UNC13C: variants seen among roughly 807,000 people sequenced by gnomAD.
The protein encoded by UNC13C is unc-13 homolog C, also known as protein unc-13 homolog C.
Under a neutral mutation model 245.4 loss-of-function variants are expected in UNC13C, and 174 were observed. That is an observed-to-expected ratio of 0.71 (90% confidence interval 0.63 to 0.80). UNC13C has a LOEUF of 0.80. Ranked by LOEUF, UNC13C falls within the 30% of genes least tolerant of loss-of-function variation. UNC13C has a pLI of 0.00. For synonymous variants in UNC13C, 992 were observed against 895.1 expected, an observed-to-expected ratio of 1.11 and a Z score of -1.93; for missense variants, 2,829 against 2,602.9, an observed-to-expected ratio of 1.09 and a Z score of -1.89.
Position 54,113,775 on chromosome 15 carries a change from G to A in UNC13C, c.2984-29243G>A, listed in dbSNP as rs564698020. Reference sequence around the variant, plus strand: ...TGGAAGGCAGAGGTTGCAGTGAGCCGAGATCGCACCACTGCACTCCAGCCT... The same window carrying A: ...TGGAAGGCAGAGGTTGCAGTGAGCCAAGATCGCACCACTGCACTCCAGCCT... On this transcript the variant is annotated intron_variant, in intron 2 of 32. Transcript: ENST00000260323. Among the ~76,000 whole-genome samples the A allele has an allele frequency of 1.1e-4, 17 of 152,136 alleles. No individual in the cohort carries two copies. The East Asian group carries it at 1.4e-3, about 12-fold the overall frequency.
intron 17 of UNC13C, among the ~76,000 whole-genome samples, chr15:54,345,124 C>A (rs1404759481): frequency 6.6e-6 from 1 of 152,194 alleles, no homozygotes. Flanking sequence ...CACCATGTGA[C>A]TGGAGAGCCA....
chr15:54,004,172 C>G (rs1267465051), intron 1 of UNC13C, among the ~76,000 whole-genome samples: 1 of 152,148 alleles, frequency 6.6e-6, no homozygotes, highest in Non-Finnish European at 1.5e-5. Flanking sequence ...GTTACCCTTC[C>G]CAGCCTCCAG....
chr15:54,515,615 T>C lies in UNC13C; in HGVS notation c.5457+3785T>C, dbSNP rs562485783. Among the ~76,000 whole-genome samples, 7 of 152,310 alleles carry C rather than the reference T, an allele frequency of 4.6e-5. No homozygotes were observed. The South Asian group carries it at 1.2e-3, about 27-fold the overall frequency. On this transcript the variant is annotated intron_variant, in intron 24 of 32. Transcript: ENST00000260323. The stretch of plus-strand genomic sequence containing the variant: ...AAACTCTAAAGAACTTGTGTTATGA[T>C]CATTGATTTAGAAGGTGCATTAATC...
At chr15:54,253,707 T>C (rs1458420779) in intron 8 of UNC13C, among the ~76,000 whole-genome samples, 1 of 152,200 alleles carries the variant, frequency 6.6e-6, no homozygotes, top group Non-Finnish European at 1.5e-5. Context: ...CTGTAGCACC[T>C]CAGTGGTGGT....
chr15:54,521,429 T>G (rs1895211868), intron 24 of UNC13C, among the ~76,000 whole-genome samples: 1 of 152,304 alleles, frequency 6.6e-6, no homozygotes, highest in South Asian at 2.1e-4. Context: ...CCATGCAAAG[T>G]CTATTTTTCA....
rs577432436 is a variant in UNC13C, at chr15:54,136,090, T to C, written c.2984-6928T>C. Among the ~76,000 whole-genome samples, 16 of 152,320 alleles carry C rather than the reference T, an allele frequency of 1.1e-4. No individual in the cohort carries two copies. The South Asian group carries it at 3.3e-3, about 32-fold the overall frequency. Reference sequence around the variant, plus strand: ...TGTACAGATCTTTCACCTCCTTCGTTAAATTTATATGTAAGTATTTAACAT... The same window carrying C: ...TGTACAGATCTTTCACCTCCTTCGTCAAATTTATATGTAAGTATTTAACAT... On this transcript the variant is annotated intron_variant, in intron 2 of 32. Transcript: ENST00000260323.
In UNC13C at chr15:54,369,191, TC is replaced by T. The variant is rs904399477; in HGVS notation, c.4714-23848del. 5.9e-5 allele frequency among the ~76,000 whole-genome samples: 8 copies of T among 135,626 alleles called. No homozygotes were observed. The East Asian group carries it at 1.4e-3, about 23-fold the overall frequency. The allele number at this position is 135,626 out of a possible 152,430, so 89.0% of individuals were successfully genotyped here. On this transcript the variant is annotated intron_variant, in intron 17 of 32. Transcript: ENST00000260323. ...GACCATCTGGGATCGATGATTAACCTCCCCCCCCCAAAAAAAAAAGTTGAAT... is the reference window on the plus strand; with the variant it reads ...GACCATCTGGGATCGATGATTAACCTCCCCCCCCAAAAAAAAAAGTTGAAT...
chr15:53,854,835 G>A, the UNC13C span, among the ~76,000 whole-genome samples: 1 of 152,122 alleles, frequency 6.6e-6, no homozygotes, highest in African/African-American at 2.4e-5. Context: ...TGTGAAAAAT[G>A]TTAATGGTAG....
intron 2 of UNC13C, among the ~76,000 whole-genome samples, chr15:54,038,759 TTA>T (rs1314420613): frequency 6.6e-6 from 1 of 152,330 alleles, no homozygotes; most frequent in South Asian, 2.1e-4. Context: ...TCAAAATCAA[TTA>T]TGTTTCAATT....
the UNC13C span, among the ~76,000 whole-genome samples, chr15:53,931,223 C>T: frequency 6.6e-6 from 1 of 152,084 alleles, no homozygotes; most frequent in Non-Finnish European, 1.5e-5. Context: ...GGCTGGAGTG[C>T]AGTGGCACGA....
chr15:54,417,309 C>G (rs1242442714), intron 19 of UNC13C, among the ~76,000 whole-genome samples: 3 of 152,042 alleles, frequency 2.0e-5, no homozygotes, highest in African/African-American at 7.2e-5. Flanking sequence ...ATTTTGTGAC[C>G]GTCTTTTGCT....
At chr15:54,413,080 A>G (rs2040446837) in intron 18 of UNC13C, among the ~76,000 whole-genome samples, 1 of 152,086 alleles carries the variant, frequency 6.6e-6, no homozygotes, top group African/African-American at 2.4e-5. Flanking sequence ...ATGTTGATTC[A>G]TTTTTGAAGG....
chr15:54,523,494 C>T (rs1201119414), intron 24 of UNC13C, among the ~76,000 whole-genome samples: 2 of 152,146 alleles, frequency 1.3e-5, no homozygotes, highest in African/African-American at 2.4e-5. Flanking sequence ...ATGTTCAAAT[C>T]GCTGTAGTCT....
At position 54,549,698 on chromosome 15, in the gene UNC13C, A is replaced by C. The variant is rs999995132; in HGVS notation, c.5877+7A>C. 5.1e-6 allele frequency: 8 copies of C among 1,574,080 alleles called. No individual in the cohort carries two copies. The highest frequency in any genetic ancestry group is 6.9e-6 in the Non-Finnish European group (8 of 1,154,042). On this transcript the variant is annotated splice_region_variant and intron_variant, in intron 28 of 32. Transcript: ENST00000260323. The stretch of plus-strand genomic sequence containing the variant: ...ACAATTATCCAAACTGAAGGTAATA[A>C]AAATAAGGAAATTACTTATTCATGG...
chr15:54,395,512 T>G (rs1033733049), intron 18 of UNC13C, among the ~76,000 whole-genome samples: 7 of 151,950 alleles, frequency 4.6e-5, no homozygotes, highest in African/African-American at 1.7e-4. Context: ...AAACGATCCC[T>G]GTTATTGTGT....
chr15:54,606,784 T>C (rs1889544433), intron 30 of UNC13C, among the ~76,000 whole-genome samples: 1 of 152,202 alleles, frequency 6.6e-6, no homozygotes, highest in Non-Finnish European at 1.5e-5. Context: ...TGTCAAACCC[T>C]CTGCTGTGCT....
At chr15:54,170,017 C>T (rs1031148199) in intron 4 of UNC13C, among the ~76,000 whole-genome samples, 9 of 135,444 alleles carry the variant, frequency 6.6e-5, no homozygotes, top group Admixed American at 6.4e-4. Flanking sequence ...TTAAACATCG[C>T]TATATTCTTA....
At chr15:54,483,527 C>T (rs1411506567) in intron 19 of UNC13C, among the ~76,000 whole-genome samples, 2 of 151,992 alleles carry the variant, frequency 1.3e-5, no homozygotes, top group African/African-American at 2.4e-5. Flanking sequence ...GATGGAGTCT[C>T]ACTTTGTTAC....
intron 1 of UNC13C, among the ~76,000 whole-genome samples, chr15:53,987,293 G>A (rs1894185694): frequency 6.6e-6 from 1 of 151,988 alleles, no homozygotes; most frequent in Non-Finnish European, 1.5e-5. Flanking sequence ...TAGCTTGGGA[G>A]GTAGTAGAAA....
Sources: allele counts gnomAD v4.1 joint callset (sites outside exome capture counted in the v4.1 genomes callset), GRCh38; gene constraint gnomAD v4.1.1; transcripts MANE v1.5; gene names NCBI Gene and HGNC (gene_info 2026-07-23, HGNC 2026-07-21).